Variants in PARN observed in about 807,000 individuals in gnomAD.
PARN encodes the protein poly(A)-specific ribonuclease.
In PARN, 71 loss-of-function variants were observed where a neutral mutation model predicts 102.8. That is an observed-to-expected ratio of 0.69 (90% CI 0.57 to 0.84). The LOEUF (loss-of-function observed/expected upper bound fraction) is 0.84, where lower values mean the gene tolerates loss of function less well. Among genes scored for constraint, PARN ranks in the 40% least tolerant of loss-of-function variants. PARN has a pLI of 0.00. For synonymous variants in PARN, 261 were observed against 252.9 expected (o/e 1.03, Z -0.30); for missense variants, 782 against 760.9 (o/e 1.03, Z -0.33).
At chr16:14,494,338 GAA>G (rs1029786670) in intron 21 of PARN, among the ~76,000 whole-genome samples, 7 of 152,230 alleles carry the variant, frequency 4.6e-5, no homozygotes, top group Non-Finnish European at 1.0e-4. Flanking sequence ...CTCAAGGAGA[GAA>G]AGAGAGCACA....
At chr16:14,506,410 G>T (rs922454638) in intron 21 of PARN, among the ~76,000 whole-genome samples, 2 of 152,108 alleles carry the variant, frequency 1.3e-5, no homozygotes, top group African/African-American at 4.8e-5. Flanking sequence ...ATGGACATTA[G>T]ATCATATCAA....
chr16:14,466,626 T>C (rs1962372140), intron 22 of PARN, among the ~76,000 whole-genome samples: 1 of 152,200 alleles, frequency 6.6e-6, no homozygotes, highest in Non-Finnish European at 1.5e-5. Flanking sequence ...CACCCACCCA[T>C]TCCTTAAAAG....
At chr16:14,507,474 A>G (rs1964956287) in intron 21 of PARN, among the ~76,000 whole-genome samples, 1 of 152,122 alleles carries the variant, frequency 6.6e-6, no homozygotes, top group African/African-American at 2.4e-5. Flanking sequence ...AGGTGGGTGC[A>G]TAGCTTGGGC....
At chr16:14,590,933 C>T (rs1020718179) in intron 13 of PARN, among the ~76,000 whole-genome samples, 2 of 152,138 alleles carry the variant, frequency 1.3e-5, no homozygotes, top group Admixed American at 6.5e-5. Context: ...AAGCAGGTGT[C>T]TTCCAATCTA....
At chr16:14,589,609 T>TA (rs1310342466) in intron 13 of PARN, among the ~76,000 whole-genome samples, 1 of 149,588 alleles carries the variant, frequency 6.7e-6, no homozygotes, top group Non-Finnish European at 1.5e-5. Flanking sequence ...CTCATGCCTG[T>TA]AATCGCAACA....
At position 14,447,445 on chromosome 16, in the gene PARN, C is replaced by T. The variant is rs536855475; in HGVS notation, c.1671-364G>A. ...TATAATGAAATAATAGTTTTGGTTACATTAAATCAGAAGATAGCATTATTC... is the reference window on the plus strand; with the variant it reads ...TATAATGAAATAATAGTTTTGGTTATATTAAATCAGAAGATAGCATTATTC... On this transcript the variant is annotated intron_variant, in intron 22 of 23. Coordinates refer to ENST00000437198, the MANE Select transcript of PARN (RefSeq NM_002582.4). Among the ~76,000 whole-genome samples the T allele has an allele frequency of 3.3e-5, 5 of 152,282 alleles. No individual in the cohort carries two copies. In the South Asian group the frequency reaches 8.3e-4, roughly 25 times the overall value.
At chr16:14,551,799 T>C (rs1206234305) in intron 21 of PARN, among the ~76,000 whole-genome samples, 2 of 152,228 alleles carry the variant, frequency 1.3e-5, no homozygotes, top group Non-Finnish European at 1.5e-5. Flanking sequence ...TGAAAAAATA[T>C]ACTATGTAGC....
intron 7 of PARN, among the ~76,000 whole-genome samples, chr16:14,609,771 T>G (rs915000031): frequency 4.6e-5 from 7 of 152,152 alleles, no homozygotes; most frequent in Non-Finnish European, 7.3e-5. Context: ...CATCTGCTTG[T>G]CGGCACCTTT....
intron 21 of PARN, among the ~76,000 whole-genome samples, chr16:14,514,528 A>T (rs1965361702): frequency 6.6e-6 from 1 of 152,180 alleles, no homozygotes; most frequent in Non-Finnish European, 1.5e-5. Context: ...CATCATTAAG[A>T]AATTCTGAAC....
Position 14,609,961 on chromosome 16 carries a change from C to G in PARN, c.554+683G>C, listed in dbSNP as rs531685402. On this transcript the variant is annotated intron_variant, in intron 7 of 23. Coordinates refer to ENST00000437198, the MANE Select transcript of PARN (RefSeq NM_002582.4). ...GGACAATGGCTCACGCCTGTAATCC[C>G]AGCGCTCTGGGAGGCTGAGGCAGGA... Among the ~76,000 whole-genome samples, 5 of 152,330 alleles carry G rather than the reference C, an allele frequency of 3.3e-5. No individual in the cohort carries two copies. In the South Asian group the frequency reaches 1.0e-3, roughly 32 times the overall value.
chr16:14,470,433 G>GGATGATGAT (rs150764987), intron 22 of PARN, among the ~76,000 whole-genome samples: 38 of 124,010 alleles, frequency 3.1e-4, no homozygotes, highest in African/African-American at 6.0e-4. Context: ...CTTAGAGTTT[G>GGATGATGAT]GATGATTATT....
chr16:14,613,734 G>A (rs375698939), intron 6 of PARN, among the ~76,000 whole-genome samples: 1 of 152,180 alleles, frequency 6.6e-6, no homozygotes, highest in African/African-American at 2.4e-5. Flanking sequence ...ACTATCAATA[G>A]ATGCTAAAAC....
chr16:14,460,402 G>A (rs1961900259), intron 22 of PARN, among the ~76,000 whole-genome samples: 1 of 152,172 alleles, frequency 6.6e-6, no homozygotes, highest in Admixed American at 6.5e-5. Context: ...ACAAACTACA[G>A]CCAGTCCTTG....
At chr16:14,495,739 G>C (rs1053397338) in intron 21 of PARN, among the ~76,000 whole-genome samples, 1 of 152,208 alleles carries the variant, frequency 6.6e-6, no homozygotes, top group Non-Finnish European at 1.5e-5. Context: ...CTGCCCATGG[G>C]TGGGCATGGA....
intron 21 of PARN, among the ~76,000 whole-genome samples, chr16:14,509,099 C>T (rs1010481995): frequency 2.0e-5 from 3 of 151,908 alleles, no homozygotes; most frequent in Non-Finnish European, 2.9e-5. Flanking sequence ...TTAAGAAAGA[C>T]GCCCCTTTGC....
chr16:14,618,793 C>T (rs558374594), intron 5 of PARN, among the ~76,000 whole-genome samples: 1 of 152,152 alleles, frequency 6.6e-6, no homozygotes, highest in South Asian at 2.1e-4. Context: ...TTACCCTGTC[C>T]CAGGTTCAAG....
intron 2 of PARN, among the ~76,000 whole-genome samples, chr16:14,629,388 C>G (rs919234452): frequency 2.0e-5 from 3 of 152,224 alleles, no homozygotes; most frequent in Admixed American, 6.5e-5. Flanking sequence ...TATCTGAGAT[C>G]CTGAGTCCAA....
chr16:14,566,256 C>G (rs769087242), intron 18 of PARN, among the ~76,000 whole-genome samples: 5 of 152,098 alleles, frequency 3.3e-5, no homozygotes, highest in African/African-American at 4.8e-5. Flanking sequence ...TGGGATTATA[C>G]AAGTGGGGCC....
intron 21 of PARN, among the ~76,000 whole-genome samples, chr16:14,538,474 G>A (rs948823908): frequency 6.6e-6 from 1 of 152,094 alleles, no homozygotes; most frequent in African/African-American, 2.4e-5. Context: ...GCCTGCCTCA[G>A]CCTCCCAAAG....
Sources: allele counts gnomAD v4.1 joint callset (sites outside exome capture counted in the v4.1 genomes callset), GRCh38; gene constraint gnomAD v4.1.1; transcripts MANE v1.5; gene names NCBI Gene and HGNC (gene_info 2026-07-23, HGNC 2026-07-21).